PRMT8: variants seen among roughly 807,000 people sequenced by gnomAD.
PRMT8 encodes protein arginine methyltransferase 8.
A neutral mutation model predicts 47.1 loss-of-function variants in PRMT8; 7 were observed. That is an observed-to-expected ratio of 0.15 (90% CI 0.08 to 0.28). The LOEUF is 0.28. PRMT8 is among the 10% of genes least tolerant of loss of function. PRMT8 has a pLI of 1.00. For missense variants in PRMT8, 237 were observed against 505.4 expected, an observed-to-expected ratio of 0.47 and a Z score of 5.09; for synonymous variants, 188 against 186.5, an observed-to-expected ratio of 1.01 and a Z score of -0.07.
At chr12:3,419,860 G>A (rs1350389430) in intron 1 of PRMT8, among the ~76,000 whole-genome samples, 1 of 151,554 alleles carries the variant, frequency 6.6e-6, no homozygotes, top group Non-Finnish European at 1.5e-5. Context: ...ACCCCAGCCA[G>A]AAGGATGCTC....
intron 1 of PRMT8, among the ~76,000 whole-genome samples, chr12:3,412,852 A>G (rs989853262): frequency 2.0e-5 from 3 of 152,084 alleles, no homozygotes; most frequent in Admixed American, 6.5e-5. Context: ...TGACCTCATG[A>G]TCCACCCACC....
At chr12:3,440,369 G>A (rs1864787821) in intron 1 of PRMT8, among the ~76,000 whole-genome samples, 2 of 152,148 alleles carry the variant, frequency 1.3e-5, no homozygotes, top group South Asian at 4.1e-4. Context: ...GGCAGAGGCA[G>A]GAGAATTGCT....
rs996520973 is a variant in PRMT8 at position 3,492,708 on chromosome 12, G to T, written c.75+1008G>T. Among the ~76,000 whole-genome samples the T allele has an allele frequency of 2.0e-5, 3 of 152,198 alleles. No individual in the cohort carries two copies. Among genetic ancestry groups the T allele is most frequent in the Non-Finnish European group, 4.4e-5 (3 of 68,030 alleles). ...TCTGGGCACCTGTAGTCACGAAGGG[G>T]ATCAGCGTGGGCAGCCCCCTTACCT... On this transcript the variant is annotated intron_variant, in intron 1 of 9. Coordinates refer to ENST00000382622, the MANE Select transcript of PRMT8 (RefSeq NM_019854.5). The surrounding 1 kb of genome is among the most constrained non-coding windows in gnomAD (Gnocchi z 7.5).
chr12:3,456,710 G>T lies in PRMT8; in HGVS notation c.48+75268G>T, dbSNP rs1462050228. Among the ~76,000 whole-genome samples, 2 of 152,210 alleles carry T rather than the reference G, an allele frequency of 1.3e-5. No homozygotes were observed. The highest frequency in any genetic ancestry group is 2.9e-5 in the Non-Finnish European group (2 of 68,034). ...CTAGTTTGGCCTGGAGGGGAGGGCA[G>T]TGAGGAACCCGTGAGAAGGGGCCAA... On this transcript the variant is annotated intron_variant, in intron 1 of 9. Transcript: ENST00000452611. This position sits in a 1 kb window ranked among gnomAD's most constrained non-coding sequence, Gnocchi z 4.2.
intron 7 of PRMT8, among the ~76,000 whole-genome samples, chr12:3,578,550 G>A (rs1866992726): frequency 6.6e-6 from 1 of 152,154 alleles, no homozygotes; most frequent in African/African-American, 2.4e-5. Flanking sequence ...TCAAAAATCA[G>A]CCCACCTGAG....
intron 1 of PRMT8, among the ~76,000 whole-genome samples, chr12:3,411,262 T>C (rs1864427082): frequency 6.6e-6 from 1 of 152,236 alleles, no homozygotes; most frequent in Non-Finnish European, 1.5e-5. Flanking sequence ...TTCTTGCTTA[T>C]AGAGTCTACC....
At position 3,453,802 on chromosome 12, in the gene PRMT8, A is replaced by AT. The variant is rs1348956088; in HGVS notation, c.48+72363dup. ...CCTTGTCCTCCTGCCCGCTGTGTCT[A>AT]TTTCTCAGCTCCTGCTATGCTAGGT... On this transcript the variant is annotated intron_variant, in intron 1 of 9. Transcript: ENST00000452611. This position sits in a 1 kb window ranked among gnomAD's most constrained non-coding sequence, Gnocchi z 4.9. Among the ~76,000 whole-genome samples the AT allele has an allele frequency of 6.6e-6, 1 of 151,666 alleles. No individual in the cohort carries two copies. Among genetic ancestry groups the AT allele is most frequent in the Non-Finnish European group, 1.5e-5 (1 of 67,926 alleles).
rs1866105126 is a variant in PRMT8 at position 3,535,646 on chromosome 12, C to G, written c.76-4960C>G. On this transcript the variant is annotated intron_variant, in intron 1 of 9. Transcript: ENST00000382622. This position sits in a 1 kb window ranked among gnomAD's most constrained non-coding sequence, Gnocchi z 4.7. ...TACCAGAACCGACTCCAGGGCAGAG[C>G]AGGCAGGGCCAGACCTCCAGGGTGA... Among the ~76,000 whole-genome samples the G allele has an allele frequency of 6.6e-6, 1 of 152,196 alleles. No homozygotes were observed. The highest frequency in any genetic ancestry group is 2.4e-5 in the African/African-American group (1 of 41,444).
chr12:3,389,177 TG>T (rs1343689680), intron 1 of PRMT8, among the ~76,000 whole-genome samples: 1 of 151,396 alleles, frequency 6.6e-6, no homozygotes, highest in Non-Finnish European at 1.5e-5. Flanking sequence ...GAGATGGAGG[TG>T]GGGAATACAT....
intron 1 of PRMT8, among the ~76,000 whole-genome samples, chr12:3,391,129 C>T (rs1864188313): frequency 6.6e-6 from 1 of 152,170 alleles, no homozygotes; most frequent in African/African-American, 2.4e-5. Flanking sequence ...TCCTGTGATT[C>T]ATTTTTTTCG....
chr12:3,424,220 G>T (rs570996668), intron 1 of PRMT8, among the ~76,000 whole-genome samples: 1 of 152,094 alleles, frequency 6.6e-6, no homozygotes, highest in African/African-American at 2.4e-5. Context: ...TGGCCCCATC[G>T]ATTCCTAAGG....
At chr12:3,524,271 G>C (rs1356180000) in intron 1 of PRMT8, among the ~76,000 whole-genome samples, 1 of 152,114 alleles carries the variant, frequency 6.6e-6, no homozygotes, top group Non-Finnish European at 1.5e-5. Context: ...AACAATAAGA[G>C]TAAAAAGAAA....
At chr12:3,586,213 T>G (rs1354100776) in intron 8 of PRMT8, among the ~76,000 whole-genome samples, 1 of 152,134 alleles carries the variant, frequency 6.6e-6, no homozygotes. Flanking sequence ...AGGGATGACA[T>G]TCTTCATGGT....
intron 1 of PRMT8, among the ~76,000 whole-genome samples, chr12:3,468,593 A>G (rs979402199): frequency 2.6e-5 from 4 of 152,028 alleles, no homozygotes; most frequent in Non-Finnish European, 4.4e-5. Flanking sequence ...CCATACACCA[A>G]CTCTTGAGTC....
chr12:3,424,930 G>A (rs1864586250), intron 1 of PRMT8, among the ~76,000 whole-genome samples: 1 of 152,196 alleles, frequency 6.6e-6, no homozygotes, highest in African/African-American at 2.4e-5. Context: ...GGACCAGTCA[G>A]CTTCCGGGTG....
intron 4 of PRMT8, among the ~76,000 whole-genome samples, chr12:3,567,167 C>T (rs1474407727): frequency 6.6e-6 from 1 of 152,218 alleles, no homozygotes; most frequent in Non-Finnish European, 1.5e-5. Context: ...ATAATGTCCA[C>T]CTTCTGTTGA....
At chr12:3,447,905 G>A (rs1195915468) in intron 1 of PRMT8, among the ~76,000 whole-genome samples, 1 of 152,132 alleles carries the variant, frequency 6.6e-6, no homozygotes, top group Non-Finnish European at 1.5e-5. Flanking sequence ...TTATAGGGAC[G>A]GATGTGCAGG....
At position 3,457,786 on chromosome 12, in the gene PRMT8, C is replaced by A. The variant is rs548558698; in HGVS notation, c.48+76344C>A. 2.6e-5 allele frequency among the ~76,000 whole-genome samples: 4 copies of A among 151,318 alleles called. No individual in the cohort carries two copies. In the South Asian group the frequency reaches 8.4e-4, roughly 32 times the overall value. ...CAAAAAAGAAGAAAATAAAGATCTG[C>A]AACCCCCCATCTGGATTTGGACATG... is the stretch of plus-strand genomic sequence containing the variant. On this transcript the variant is annotated intron_variant, in intron 1 of 9. Coordinates refer to the PRMT8 transcript ENST00000452611.
At chr12:3,415,655 A>G (rs1052224620) in intron 1 of PRMT8, among the ~76,000 whole-genome samples, 1 of 152,256 alleles carries the variant, frequency 6.6e-6, no homozygotes, top group Non-Finnish European at 1.5e-5. Context: ...TAGATCTCCC[A>G]TGAGACCCAT....
Sources: allele counts gnomAD v4.1 joint callset (sites outside exome capture counted in the v4.1 genomes callset), GRCh38; gene constraint gnomAD v4.1.1; non-coding constraint Gnocchi (gnomAD v3.1); transcripts MANE v1.5; gene names NCBI Gene and HGNC (gene_info 2026-07-23, HGNC 2026-07-21).